The following CAMTA1 variants were observed in gnomAD, a reference collection of about 807,000 sequenced individuals.
CAMTA1 encodes the protein calmodulin-binding transcription activator 1.
CAMTA1 carries 27 observed loss-of-function variants against 170.9 expected under a neutral mutation model. The observed-to-expected ratio is 0.16, with a 90% CI of 0.12 to 0.22. The LOEUF is 0.22. Ranked by LOEUF, CAMTA1 falls within the 10% of genes least tolerant of loss-of-function variation. The probability of loss-of-function intolerance (pLI) is 1.00; values close to 1 mark genes in which losing one functional copy is unlikely to be tolerated. For missense variants in CAMTA1, 1,619 were observed against 2,217.2 expected (o/e 0.73, Z 5.42); for synonymous variants, 833 against 891.5 (o/e 0.93, Z 1.17).
At chr1:7,187,084 G>A (rs932847981) in intron 4 of CAMTA1, among the ~76,000 whole-genome samples, 1 of 152,130 alleles carries the variant, frequency 6.6e-6, no homozygotes, top group African/African-American at 2.4e-5. Context: ...GGGCAGTGAA[G>A]CCATGCTGGT....
chr1:7,586,703 C>A (rs2095313039), intron 6 of CAMTA1, among the ~76,000 whole-genome samples: 2 of 152,138 alleles, frequency 1.3e-5, no homozygotes, highest in African/African-American at 4.8e-5. Context: ...CCTCCTGGTC[C>A]CACTGGGTCC....
intron 11 of CAMTA1, among the ~76,000 whole-genome samples, chr1:7,697,029 G>A (rs1021249880): frequency 3.9e-5 from 6 of 152,190 alleles, no homozygotes; most frequent in African/African-American, 1.4e-4. Flanking sequence ...ATAAGATTCC[G>A]TTGGAGCACC....
At chr1:6,989,195 C>A (rs149358431) in intron 3 of CAMTA1, among the ~76,000 whole-genome samples, 1 of 152,298 alleles carries the variant, frequency 6.6e-6, no homozygotes, top group African/African-American at 2.4e-5. Context: ...TCCAAGGAGA[C>A]AGTTCCATGG....
chr1:6,922,006 A>G (rs1557830301), intron 3 of CAMTA1, among the ~76,000 whole-genome samples: 1 of 152,220 alleles, frequency 6.6e-6, no homozygotes, highest in South Asian at 2.1e-4. Flanking sequence ...CTACTGTATC[A>G]TCATTTCATA....
intron 5 of CAMTA1, among the ~76,000 whole-genome samples, chr1:7,346,484 T>G (rs947956406): frequency 2.0e-5 from 3 of 152,150 alleles, no homozygotes; most frequent in Non-Finnish European, 4.4e-5. Flanking sequence ...AGAGCTTTCT[T>G]CTTAACTGGG....
chr1:6,849,917 C>G (rs1659725539), intron 3 of CAMTA1, among the ~76,000 whole-genome samples: 1 of 151,664 alleles, frequency 6.6e-6, no homozygotes, highest in South Asian at 2.1e-4. Flanking sequence ...TGCCTGTAAT[C>G]CCAGCTACTT....
intron 4 of CAMTA1, among the ~76,000 whole-genome samples, chr1:7,135,080 G>A (rs972763140): frequency 2.0e-5 from 3 of 152,096 alleles, no homozygotes; most frequent in Non-Finnish European, 2.9e-5. Flanking sequence ...CCAATCAGAA[G>A]GGTGATTATT....
rs1286565994 is a variant in CAMTA1 at position 6,965,212 on chromosome 1, T to C, written c.235-126092T>C. Among the ~76,000 whole-genome samples the C allele has an allele frequency of 4.0e-5, 6 of 151,498 alleles. No homozygotes were observed. In the South Asian group the frequency reaches 1.2e-3, roughly 31 times the overall value. On this transcript the variant is annotated intron_variant, in intron 3 of 22. Transcript: ENST00000303635. The surrounding 1 kb of genome is among the most constrained non-coding windows in gnomAD (Gnocchi z 4.1). The stretch of plus-strand genomic sequence containing the variant: ...GAGCATGAGTGTGTGTGTATGACTT[T>C]GTGTGCTTGTGTGTGTCTGTGCATG...
intron 3 of CAMTA1, among the ~76,000 whole-genome samples, chr1:6,946,368 G>C (rs1390237284): frequency 6.6e-6 from 1 of 151,952 alleles, no homozygotes; most frequent in East Asian, 1.9e-4. Context: ...ATTTTTAAAA[G>C]ATTTTTTTAG....
intron 6 of CAMTA1, among the ~76,000 whole-genome samples, chr1:7,511,495 C>T (rs1040747642): frequency 3.9e-5 from 6 of 152,180 alleles, no homozygotes; most frequent in Non-Finnish European, 7.3e-5. Flanking sequence ...GCACAGGATC[C>T]TGGGGTGCCC....
intron 3 of CAMTA1, among the ~76,000 whole-genome samples, chr1:6,853,986 C>T (rs12736358): frequency 0.21 from 31,606 of 152,084 alleles, 3,465 homozygotes; most frequent in East Asian, 0.29. Context: ...ATACCGTCTT[C>T]ATTAACTCAG....
At chr1:7,172,793 C>T (rs936026264) in intron 4 of CAMTA1, among the ~76,000 whole-genome samples, 4 of 152,214 alleles carry the variant, frequency 2.6e-5, no homozygotes, top group African/African-American at 9.7e-5. Flanking sequence ...CCCGTGATGG[C>T]TGGCATCCCC....
chr1:7,459,380 C>T (rs914395596), intron 5 of CAMTA1, among the ~76,000 whole-genome samples: 7 of 152,172 alleles, frequency 4.6e-5, no homozygotes, highest in East Asian at 1.9e-4. Context: ...TCTGCGTCTG[C>T]GTTCAGGGTA....
intron 6 of CAMTA1, among the ~76,000 whole-genome samples, chr1:7,605,012 A>G (rs2095474387): frequency 6.6e-6 from 1 of 152,040 alleles, no homozygotes; most frequent in Non-Finnish European, 1.5e-5. Flanking sequence ...GTGAACAGCA[A>G]ATGTTGCTGC....
At chr1:7,501,032 G>T (rs1256180808) in intron 6 of CAMTA1, among the ~76,000 whole-genome samples, 1 of 152,162 alleles carries the variant, frequency 6.6e-6, no homozygotes, top group Admixed American at 6.5e-5. Context: ...AGACCTTTCA[G>T]GAAAGCAAGC....
chr1:7,161,635 C>G (rs1647230409), intron 4 of CAMTA1, among the ~76,000 whole-genome samples: 1 of 152,210 alleles, frequency 6.6e-6, no homozygotes, highest in South Asian at 2.1e-4. Context: ...CTCTTCCTTG[C>G]CTTTCACCTT....
At chr1:7,523,440 T>C (rs562294442) in intron 6 of CAMTA1, among the ~76,000 whole-genome samples, 124 of 152,346 alleles carry the variant, frequency 8.1e-4, no homozygotes, top group African/African-American at 2.9e-3. Context: ...CGGAAGAGAA[T>C]TGACATCTTC....
intron 4 of CAMTA1, among the ~76,000 whole-genome samples, chr1:7,227,169 C>T (rs1661860240): frequency 6.6e-6 from 1 of 152,052 alleles, no homozygotes; most frequent in African/African-American, 2.4e-5. Flanking sequence ...CACACTCTTC[C>T]TATCATAAAC....
At chr1:7,536,248 G>A (rs1204006506) in intron 6 of CAMTA1, among the ~76,000 whole-genome samples, 3 of 152,170 alleles carry the variant, frequency 2.0e-5, no homozygotes, top group Non-Finnish European at 4.4e-5. Context: ...CTCCCAGAGG[G>A]GCAGATAGTT....
Sources: gnomAD v4.1 joint callset for allele counts (sites outside exome capture counted in the v4.1 genomes callset) on GRCh38, gnomAD v4.1.1 for gene constraint, Gnocchi (gnomAD v3.1) non-coding constraint, MANE v1.5 for transcripts, NCBI Gene and HGNC (gene_info 2026-07-23, HGNC 2026-07-21) for gene names.